Variants in PPP1R14C observed in about 807,000 individuals in gnomAD.
The protein encoded by PPP1R14C is protein phosphatase 1 regulatory inhibitor subunit 14C, also known as protein phosphatase 1 regulatory subunit 14C.
PPP1R14C carries 16 observed loss-of-function variants against 20.4 expected under a neutral mutation model. The ratio of observed to expected loss-of-function variants is 0.78; its 90% CI spans 0.53 to 1.19. The LOEUF is 1.19. PPP1R14C is among the 50% of genes most tolerant of loss of function. The pLI, the probability that PPP1R14C is intolerant of heterozygous loss-of-function variation, is 0.00. For missense variants in PPP1R14C, 211 were observed against 220.1 expected (o/e 0.96, Z 0.26); for synonymous variants, 91 against 91.0 (o/e 1.00, Z 0.00).
chr6:150,223,573 A>G (rs983797636), intron 3 of PPP1R14C, among the ~76,000 whole-genome samples: 3 of 152,032 alleles, frequency 2.0e-5, no homozygotes, highest in Non-Finnish European at 4.4e-5. Flanking sequence ...TTATTGTTTT[A>G]ATTTGCATTT....
At chr6:150,187,247 CTGTGTGTG>C (rs61153538) in intron 1 of PPP1R14C, among the ~76,000 whole-genome samples, 33,663 of 141,436 alleles carry the variant, frequency 0.24, 3,988 homozygotes, top group Non-Finnish European at 0.27. Context: ...TTCTCTTTCT[CTGTGTGTG>C]TGTGTGTGTG....
chr6:150,229,626 A>C (rs1417533150), intron 3 of PPP1R14C, among the ~76,000 whole-genome samples: 2 of 152,260 alleles, frequency 1.3e-5, no homozygotes, highest in Non-Finnish European at 2.9e-5. Flanking sequence ...TTACTATTTA[A>C]AGGCAGATAG....
intron 1 of PPP1R14C, among the ~76,000 whole-genome samples, chr6:150,150,631 T>C (rs1011182980): frequency 6.6e-6 from 1 of 152,206 alleles, no homozygotes; most frequent in Admixed American, 6.5e-5. Context: ...GTTTACTTTG[T>C]AGTGCATGCT....
At chr6:150,164,664 A>G in intron 1 of PPP1R14C, 1 of 183,698 alleles carries the variant, frequency 5.4e-6, no homozygotes, top group Admixed American at 4.9e-5. Flanking sequence ...TTGTTACAAC[A>G]TTGGCACATG....
intron 3 of PPP1R14C, among the ~76,000 whole-genome samples, chr6:150,243,429 C>T (rs1222464271): frequency 6.6e-6 from 1 of 152,120 alleles, no homozygotes; most frequent in Non-Finnish European, 1.5e-5. Context: ...TGAACCACCT[C>T]GGCCTCCCAA....
At chr6:150,189,901 G>T (rs746951941) in intron 1 of PPP1R14C, among the ~76,000 whole-genome samples, 3 of 152,068 alleles carry the variant, frequency 2.0e-5, no homozygotes, top group Non-Finnish European at 4.4e-5. Flanking sequence ...TTTTAAATGG[G>T]TCACATAAAT....
At chr6:150,165,330 T>C (rs964513338) in intron 1 of PPP1R14C, among the ~76,000 whole-genome samples, 2 of 152,236 alleles carry the variant, frequency 1.3e-5, no homozygotes, top group Non-Finnish European at 2.9e-5. Flanking sequence ...ATATCTGGGC[T>C]CCCAGTCCAA....
At chr6:150,214,674 C>T (rs978720940) in intron 1 of PPP1R14C, 70 bp from the exon 2 acceptor site, 1 of 1,131,330 alleles carries the variant, frequency 8.8e-7, no homozygotes, top group Non-Finnish European at 1.3e-6. Flanking sequence ...TTCAACTTAA[C>T]CTAACTGGTG....
intron 1 of PPP1R14C, among the ~76,000 whole-genome samples, chr6:150,198,204 C>T (rs56163167): frequency 7.2e-6 from 1 of 138,414 alleles, no homozygotes; most frequent in Admixed American, 7.2e-5. Flanking sequence ...CCCCTGGCCG[C>T]CACGGTGGAG....
In PPP1R14C at chr6:150,194,514, T is replaced by C. The variant is rs536656210; in HGVS notation, c.307-20230T>C. 8 of 978,166 alleles carry C rather than the reference T, an allele frequency of 8.2e-6. No individual in the cohort carries two copies. The African/African-American group carries it at 1.4e-4, about 17-fold the overall frequency. 60.6% of individuals were successfully genotyped at this position (978,166 alleles called of 1,614,324 possible). On this transcript the variant is annotated intron_variant, in intron 1 of 3. Transcript: ENST00000361131. Reference sequence around the variant, plus strand: ...TCTACTACAATTTGTATGCCAATTATAAATCATGCTTTTCCATTAATTAAA... The same window carrying C: ...TCTACTACAATTTGTATGCCAATTACAAATCATGCTTTTCCATTAATTAAA...
intron 1 of PPP1R14C, among the ~76,000 whole-genome samples, chr6:150,172,225 G>A (rs1460412621): frequency 6.6e-6 from 1 of 152,188 alleles, no homozygotes; most frequent in Non-Finnish European, 1.5e-5. Context: ...ACGGGTTATA[G>A]ATAATCTCTC....
chr6:150,231,842 G>A (rs1778299717), intron 3 of PPP1R14C, among the ~76,000 whole-genome samples: 1 of 152,066 alleles, frequency 6.6e-6, no homozygotes, highest in African/African-American at 2.4e-5. Flanking sequence ...TTACTGTATA[G>A]TATTTCTTTC....
chr6:150,181,207 T>A (rs1777618105), intron 1 of PPP1R14C, among the ~76,000 whole-genome samples: 1 of 152,144 alleles, frequency 6.6e-6, no homozygotes, highest in African/African-American at 2.4e-5. Flanking sequence ...GCCTGGAGTC[T>A]CACTATGTCA....
At chr6:150,187,235 C>T (rs944756044) in intron 1 of PPP1R14C, among the ~76,000 whole-genome samples, 10 of 138,588 alleles carry the variant, frequency 7.2e-5, no homozygotes, top group African/African-American at 2.7e-4. Context: ...CCACCTTGGC[C>T]TTTCTCTTTC....
At chr6:150,162,444 A>G (rs978203504) in intron 1 of PPP1R14C, among the ~76,000 whole-genome samples, 1 of 152,246 alleles carries the variant, frequency 6.6e-6, no homozygotes, top group Admixed American at 6.5e-5. Context: ...GAAATCATAC[A>G]GTATACAGCA....
At chr6:150,195,268 G>A (rs1266848031) in intron 1 of PPP1R14C, 6 of 645,692 alleles carry the variant, frequency 9.3e-6, no homozygotes, top group Admixed American at 6.3e-5. Flanking sequence ...TATACATGGG[G>A]GCTAAAAAAA....
chr6:150,163,166 C>T (rs28672801), intron 1 of PPP1R14C, among the ~76,000 whole-genome samples: 2,166 of 152,160 alleles, frequency 0.014, 53 homozygotes, highest in African/African-American at 0.049. Context: ...CCGAGGCAGG[C>T]GGATCACGAG....
chr6:150,169,418 C>T (rs1430281623), intron 1 of PPP1R14C, among the ~76,000 whole-genome samples: 1 of 152,148 alleles, frequency 6.6e-6, no homozygotes, highest in African/African-American at 2.4e-5. Context: ...AAAATAAGAA[C>T]TTACATATGA....
At chr6:150,158,076 TCA>T (rs1458776942) in intron 1 of PPP1R14C, among the ~76,000 whole-genome samples, 1 of 152,204 alleles carries the variant, frequency 6.6e-6, no homozygotes, top group Non-Finnish European at 1.5e-5. Context: ...GTGATTTCAG[TCA>T]TCATACTTGG....
Sources: allele counts gnomAD v4.1 joint callset (sites outside exome capture counted in the v4.1 genomes callset), GRCh38; gene constraint gnomAD v4.1.1; transcripts MANE v1.5; gene names NCBI Gene and HGNC (gene_info 2026-07-23, HGNC 2026-07-21).